The following SUGCT variants were observed in gnomAD, a reference collection of about 807,000 sequenced individuals.
SUGCT encodes the protein succinyl-CoA:glutarate-CoA transferase.
A neutral mutation model predicts 55.0 loss-of-function variants in SUGCT; 41 were observed. That is an observed-to-expected ratio of 0.74 (90% CI 0.58 to 0.97). The LOEUF (loss-of-function observed/expected upper bound fraction) is 0.97, where lower values mean the gene tolerates loss of function less well. SUGCT is among the 50% of genes least tolerant of loss of function. SUGCT has a pLI of 0.00. For synonymous variants in SUGCT, 187 were observed against 200.4 expected, an observed-to-expected ratio of 0.93 and a Z score of 0.56; for missense variants, 568 against 547.8, an observed-to-expected ratio of 1.04 and a Z score of -0.37.
chr7:41,001,419 T>C, the SUGCT span, among the ~76,000 whole-genome samples: 18 of 152,084 alleles, frequency 1.2e-4, no homozygotes, highest in Admixed American at 2.0e-4. Context: ...TTGGAATGAG[T>C]TGTGGGAAGA....
At chr7:40,852,788 T>C (rs1048574238) in intron 13 of SUGCT, among the ~76,000 whole-genome samples, 7 of 152,070 alleles carry the variant, frequency 4.6e-5, no homozygotes, top group African/African-American at 1.4e-4. Flanking sequence ...CCCTCCCCAC[T>C]GTGATTGCAA....
chr7:40,167,509 C>T (rs1784476956), intron 1 of SUGCT, among the ~76,000 whole-genome samples: 1 of 152,168 alleles, frequency 6.6e-6, no homozygotes, highest in Non-Finnish European at 1.5e-5. Context: ...GAGTGGGCTG[C>T]TCCCAAGATG....
chr7:40,761,928 C>G (rs1280547424), intron 13 of SUGCT, among the ~76,000 whole-genome samples: 2 of 152,196 alleles, frequency 1.3e-5, no homozygotes, highest in Non-Finnish European at 2.9e-5. Context: ...TGGGTTCTTT[C>G]TGCTATGACA....
chr7:40,402,759 C>T (rs983669839), intron 9 of SUGCT, among the ~76,000 whole-genome samples: 1 of 152,186 alleles, frequency 6.6e-6, no homozygotes, highest in African/African-American at 2.4e-5. Flanking sequence ...AGTCCGCTCT[C>T]ATTGCTTCAT....
At chr7:40,350,306 T>G (rs1019441570) in intron 9 of SUGCT, among the ~76,000 whole-genome samples, 3 of 147,902 alleles carry the variant, frequency 2.0e-5, no homozygotes, top group African/African-American at 7.4e-5. Context: ...ATTTATTTAT[T>G]TATTTATTTA....
intron 9 of SUGCT, among the ~76,000 whole-genome samples, chr7:40,361,136 G>A (rs1244956036): frequency 6.6e-6 from 1 of 152,068 alleles, no homozygotes; most frequent in African/African-American, 2.4e-5. Flanking sequence ...AAATGAGGGA[G>A]TAATGACTTT....
At position 40,415,268 on chromosome 7, in the gene SUGCT, CA is replaced by C. The variant is rs35619419; in HGVS notation, c.817-34000del. Among the ~76,000 whole-genome samples, 170 of 107,816 alleles carry C rather than the reference CA, an allele frequency of 1.6e-3. 1 individual carries two copies. The highest frequency in any genetic ancestry group is 3.1e-3 in the African/African-American group (86 of 27,456). 70.7% of individuals were successfully genotyped at this position (107,816 alleles called of 152,430 possible). Reference sequence around the variant, plus strand: ...GTGGAGACAGAATGAGACTCCATCTCAAAAAAAAAAAAAAAAAAATTTGGCC... The same window carrying C: ...GTGGAGACAGAATGAGACTCCATCTCAAAAAAAAAAAAAAAAAATTTGGCC... On this transcript the variant is annotated intron_variant, in intron 9 of 13. Transcript: ENST00000335693.
At chr7:40,231,962 G>A (rs1439197055) in intron 6 of SUGCT, among the ~76,000 whole-genome samples, 1 of 152,102 alleles carries the variant, frequency 6.6e-6, no homozygotes, top group Non-Finnish European at 1.5e-5. Context: ...TTAGCTGGAT[G>A]TGGTGGTGCA....
intron 13 of SUGCT, among the ~76,000 whole-genome samples, chr7:40,774,118 A>G (rs1789330445): frequency 6.6e-6 from 1 of 152,158 alleles, no homozygotes; most frequent in Admixed American, 6.6e-5. Flanking sequence ...TCCCTAATTT[A>G]AGATTCACCA....
rs1220579016 is a variant in SUGCT at position 40,394,912 on chromosome 7, A to C, written c.817-54375A>C. ...TAATATTCCATTGTTTATACATACAACACATTTTCTTTATGGACACTTAAG... is the reference window on the plus strand; with the variant it reads ...TAATATTCCATTGTTTATACATACACCACATTTTCTTTATGGACACTTAAG... On this transcript the variant is annotated intron_variant, in intron 9 of 13. Transcript: ENST00000335693. Among the ~76,000 whole-genome samples the C allele has an allele frequency of 3.3e-5, 5 of 152,218 alleles. No homozygotes were observed. The South Asian group carries it at 1.0e-3, about 32-fold the overall frequency.
the SUGCT span, among the ~76,000 whole-genome samples, chr7:40,933,613 TTG>T: frequency 2.0e-5 from 3 of 152,214 alleles, no homozygotes; most frequent in African/African-American, 7.2e-5. Context: ...CCCATATTTC[TTG>T]GAGGCTTTGT....
chr7:40,777,640 C>G (rs2128734284), intron 13 of SUGCT, among the ~76,000 whole-genome samples: 1 of 152,214 alleles, frequency 6.6e-6, no homozygotes, highest in Middle Eastern at 3.4e-3. Flanking sequence ...TGCTGTGGGT[C>G]TGGGGAAAGC....
At chr7:40,544,038 A>C (rs1194327735) in intron 12 of SUGCT, among the ~76,000 whole-genome samples, 1 of 152,108 alleles carries the variant, frequency 6.6e-6, no homozygotes, top group Non-Finnish European at 1.5e-5. Context: ...GAGTAATGTA[A>C]TATTAAAAAT....
intron 8 of SUGCT, among the ~76,000 whole-genome samples, chr7:40,315,475 C>G (rs961954850): frequency 6.6e-6 from 1 of 152,234 alleles, no homozygotes; most frequent in African/African-American, 2.4e-5. Flanking sequence ...CTGGGCTGTA[C>G]AGCCAAACCA....
intron 11 of SUGCT, among the ~76,000 whole-genome samples, chr7:40,480,959 C>A (rs1790998456): frequency 2.0e-5 from 3 of 152,106 alleles, no homozygotes; most frequent in Admixed American, 2.0e-4. Context: ...TGAGCATATA[C>A]TTCATGTAGA....
intron 12 of SUGCT, among the ~76,000 whole-genome samples, chr7:40,731,045 A>G (rs548636967): frequency 6.6e-6 from 1 of 152,318 alleles, no homozygotes; most frequent in Non-Finnish European, 1.5e-5. Context: ...GAAAGGGCAA[A>G]GTCAAGGAGA....
intron 1 of SUGCT, among the ~76,000 whole-genome samples, chr7:40,150,474 G>C (rs1356249880): frequency 6.6e-6 from 1 of 152,088 alleles, no homozygotes; most frequent in Non-Finnish European, 1.5e-5. Context: ...TTTAAGACCA[G>C]CCTGGCCAAC....
chr7:40,349,589 C>G (rs1254411824), intron 9 of SUGCT, among the ~76,000 whole-genome samples: 2 of 152,154 alleles, frequency 1.3e-5, no homozygotes, highest in Non-Finnish European at 2.9e-5. Flanking sequence ...CTGTGTTCAA[C>G]TACTTATTCT....
intron 13 of SUGCT, among the ~76,000 whole-genome samples, chr7:40,781,391 G>A (rs1303011166): frequency 6.6e-6 from 1 of 152,236 alleles, no homozygotes; most frequent in East Asian, 1.9e-4. Context: ...CAGGAAAACT[G>A]CATTAGCCCT....
Sources: gnomAD v4.1 joint callset for allele counts (sites outside exome capture counted in the v4.1 genomes callset) on GRCh38, gnomAD v4.1.1 for gene constraint, MANE v1.5 for transcripts, NCBI Gene and HGNC (gene_info 2026-07-23, HGNC 2026-07-21) for gene names.